The following GPRIN3 variants were observed in gnomAD, a reference collection of about 807,000 sequenced individuals.
The protein encoded by GPRIN3 is GPRIN family member 3, also known as G protein-regulated inducer of neurite outgrowth 3.
In GPRIN3, 12 loss-of-function variants were observed where a neutral mutation model predicts 13.7. The observed-to-expected ratio is 0.87, with a 90% CI of 0.56 to 1.42. The LOEUF (loss-of-function observed/expected upper bound fraction) is 1.42, where lower values mean the gene tolerates loss of function less well. Among genes scored for constraint, GPRIN3 ranks in the 40% most tolerant of loss-of-function variants. The pLI, the probability that GPRIN3 is intolerant of heterozygous loss-of-function variation, is 0.00. For missense variants in GPRIN3, 1,009 were observed against 958.7 expected, an observed-to-expected ratio of 1.05 and a Z score of -0.69; for synonymous variants, 377 against 372.7, an observed-to-expected ratio of 1.01 and a Z score of -0.13.
rs1052091412 is a variant in GPRIN3 at position 89,249,143 on chromosome 4, T to A, written c.968A>T (p.Gln323Leu). 3.7e-6 allele frequency: 6 copies of A among 1,614,090 alleles called. No homozygotes were observed. In the African/African-American group the frequency reaches 6.7e-5, roughly 18 times the overall value. ...PSRAWQDAEV[Q>L]AVASVESRSV... The stretch of plus-strand genomic sequence containing the variant: ...TCTGCTCTCGACACTCGCCACTGCC[T>A]GCACCTCCGCATCTTGCCAAGCCCT... Residue 323 changes from glutamine to leucine, a missense_variant, in exon 2 of 2, where the codon CAG (glutamine) becomes CTG (leucine). Transcript: ENST00000609438.
intron 1 of GPRIN3, among the ~76,000 whole-genome samples, chr4:89,306,560 A>C (rs1407338958): frequency 2.0e-5 from 3 of 152,168 alleles, no homozygotes; most frequent in Non-Finnish European, 2.9e-5. Flanking sequence ...TGTGTTGTGA[A>C]AATATTTAGA....
intron 1 of GPRIN3, among the ~76,000 whole-genome samples, chr4:89,283,254 T>C (rs1724305329): frequency 6.6e-6 from 1 of 152,214 alleles, no homozygotes; most frequent in Admixed American, 6.5e-5. Context: ...ATACACAATG[T>C]GCCAGGCCTG....
rs186494438 is a variant in GPRIN3, at chr4:89,290,301, A to T, written c.-124+17314T>A. 9.9e-5 allele frequency among the ~76,000 whole-genome samples: 15 copies of T among 151,956 alleles called. No individual in the cohort carries two copies. The East Asian group carries it at 3.0e-3, about 30-fold the overall frequency. ...TTAGTGTTTCAAATATGCTTGAAGCATTTGCCTGCATTCCTCTGCTCAGGC... is the reference window on the plus strand; with the variant it reads ...TTAGTGTTTCAAATATGCTTGAAGCTTTTGCCTGCATTCCTCTGCTCAGGC... On this transcript the variant is annotated intron_variant, in intron 1 of 1. Transcript: ENST00000609438.
chr4:89,288,088 T>A (rs1561223006), intron 1 of GPRIN3, among the ~76,000 whole-genome samples: 1 of 152,188 alleles, frequency 6.6e-6, no homozygotes, highest in Admixed American at 6.5e-5. Context: ...CCCGTGCAGA[T>A]CACAGAATCT....
intron 1 of GPRIN3, among the ~76,000 whole-genome samples, chr4:89,269,871 TCA>T (rs1425570612): frequency 6.6e-6 from 1 of 152,220 alleles, no homozygotes; most frequent in Non-Finnish European, 1.5e-5. Flanking sequence ...CGGGGTTCCA[TCA>T]CACTAAGCTT....
Position 89,240,058 on chromosome 4 carries a change from T to A in GPRIN3, c.*7722A>T, listed in dbSNP as rs1722883456. Reference sequence around the variant, plus strand: ...TTAGGTTTTAAGAACCAGGTGAGACTTTTTGATCCCTAATAGAGCACTTCC... The same window carrying A: ...TTAGGTTTTAAGAACCAGGTGAGACATTTTGATCCCTAATAGAGCACTTCC... On this transcript the variant is annotated 3_prime_UTR_variant, in exon 2 of 2. Transcript: ENST00000609438. 2.0e-5 allele frequency: 3 copies of A among 152,202 alleles called. No homozygotes were observed. The highest frequency in any genetic ancestry group is 2.0e-4 in the Admixed American group (3 of 15,280). The allele number at this position is 152,202 out of a possible 1,614,324, so 9.4% of individuals were successfully genotyped here. A position where few individuals can be genotyped will look rare whatever the true frequency, so the allele number is the denominator to read the frequency against.
At chr4:89,256,644 C>T (rs1234622460) in intron 1 of GPRIN3, among the ~76,000 whole-genome samples, 1 of 152,146 alleles carries the variant, frequency 6.6e-6, no homozygotes, top group Non-Finnish European at 1.5e-5. Flanking sequence ...TTCAGAACCA[C>T]TGCACTGCTA....
chr4:89,294,219 G>A (rs1243585280), intron 1 of GPRIN3, among the ~76,000 whole-genome samples: 1 of 152,164 alleles, frequency 6.6e-6, no homozygotes. Flanking sequence ...CACTTGGAAA[G>A]TTATGTCACT....
rs779614863 is a variant in GPRIN3, at chr4:89,250,077, T to C, written c.34A>G (p.Lys12Glu). 6.2e-6 allele frequency: 10 copies of C among 1,613,786 alleles called. No homozygotes were observed. Among genetic ancestry groups the C allele is most frequent in the Non-Finnish European group, 8.5e-6 (10 of 1,179,832 alleles). ...CCGGAAGCTGCAATCAGGGAAGTTT[T>C]AGCTGATCTCAGAGGGTCAGGTACA... is the stretch of plus-strand genomic sequence containing the variant. ...GTVPDPLRSA[K>E]TSLIAASGKE... is the part of the protein sequence containing the mutation. The change falls in exon 2 of 2, where the codon AAA becomes GAA. Residue 12 changes from lysine (K) to glutamate (E), a missense_variant. Physicochemically the swap from Lys to Glu is moderately conservative, Grantham distance 56. Transcript: ENST00000609438.
rs772250385 is a variant in GPRIN3, at chr4:89,248,607, C to A, written c.1504G>T (p.Gly502Cys). ...TTGCAATCTGGGTCTGTTTTGTGGCCGTTTGTCGTTTTCTCTGCAAACTCA... is the reference window on the plus strand; with the variant it reads ...TTGCAATCTGGGTCTGTTTTGTGGCAGTTTGTCGTTTTCTCTGCAAACTCA... Reference protein sequence around the residue: ...PSEFAEKTTNGHKTDPDCKLS... With the variant: ...PSEFAEKTTNCHKTDPDCKLS... Residue 502 changes from glycine to cysteine, a missense_variant, in exon 2 of 2, where the codon GGC becomes TGC. Coordinates refer to ENST00000609438, the MANE Select transcript of GPRIN3 (RefSeq NM_198281.3). 6.2e-7 allele frequency: 1 copy of A among 1,613,970 alleles called. No individual in the cohort carries two copies. The highest frequency in any genetic ancestry group is 1.7e-5 in the Admixed American group (1 of 60,026).
At chr4:89,300,259 A>G (rs1053381784) in intron 1 of GPRIN3, among the ~76,000 whole-genome samples, 4 of 152,148 alleles carry the variant, frequency 2.6e-5, no homozygotes, top group African/African-American at 9.7e-5. Context: ...TCCAGACTTT[A>G]CAGACTCAAT....
Position 89,270,159 on chromosome 4 carries a change from G to A in GPRIN3, c.-123-19926C>T, listed in dbSNP as rs192277955. Among the ~76,000 whole-genome samples the A allele has an allele frequency of 2.0e-3, 303 of 152,130 alleles. 12 individuals are homozygous for A. The South Asian group carries it at 0.056, about 28-fold the overall frequency. ...TATGATGAATTTATTCACCATAAAA[G>A]GGCAAAAGGAACAGGAGAAATAAAA... On this transcript the variant is annotated intron_variant, in intron 1 of 1. Coordinates refer to ENST00000609438, the MANE Select transcript of GPRIN3 (RefSeq NM_198281.3).
At chr4:89,292,227 T>G (rs1486680238) in intron 1 of GPRIN3, among the ~76,000 whole-genome samples, 1 of 152,186 alleles carries the variant, frequency 6.6e-6, no homozygotes, top group Non-Finnish European at 1.5e-5. Context: ...CAAAAGAATT[T>G]TAATAAAACT....
At chr4:89,295,491 T>C (rs1440731924) in intron 1 of GPRIN3, among the ~76,000 whole-genome samples, 2 of 152,238 alleles carry the variant, frequency 1.3e-5, no homozygotes, top group East Asian at 1.9e-4. Flanking sequence ...CCATAGGGCG[T>C]AGGGCTAAAT....
At chr4:89,266,858 G>T (rs1191917446) in intron 1 of GPRIN3, among the ~76,000 whole-genome samples, 1 of 152,108 alleles carries the variant, frequency 6.6e-6, no homozygotes, top group African/African-American at 2.4e-5. Flanking sequence ...AGTGTTTTAA[G>T]TTGAAAGAAA....
intron 1 of GPRIN3, among the ~76,000 whole-genome samples, chr4:89,266,628 C>T (rs1043175350): frequency 6.6e-6 from 1 of 152,132 alleles, no homozygotes; most frequent in Non-Finnish European, 1.5e-5. Flanking sequence ...ATAGGAAAAT[C>T]GTTGTAAACA....
rs1340842370 is a variant in GPRIN3 at position 89,241,478 on chromosome 4, CA to C, written c.*6301del. On this transcript the variant is annotated 3_prime_UTR_variant, in exon 2 of 2. Transcript: ENST00000609438. ...TATTATGCACGACATATTGTTCACA[CA>C]TTAGTACAGCAGAGATACACACATT... 2.0e-5 allele frequency: 3 copies of C among 152,154 alleles called. No individual in the cohort carries two copies. The highest frequency in any genetic ancestry group is 4.4e-5 in the Non-Finnish European group (3 of 68,022). The allele number at this position is 152,154 out of a possible 1,614,324, so 9.4% of individuals were successfully genotyped here.
intron 1 of GPRIN3, among the ~76,000 whole-genome samples, chr4:89,306,644 A>G (rs1725041032): frequency 6.6e-6 from 1 of 152,184 alleles, no homozygotes; most frequent in Non-Finnish European, 1.5e-5. Flanking sequence ...TTCTTGAGTG[A>G]CTGCTCAGAG....
Position 89,250,233 on chromosome 4 carries a change from C to A in GPRIN3, c.-123G>T, listed in dbSNP as rs1421078896. 4.0e-6 allele frequency: 6 copies of A among 1,496,260 alleles called. No homozygotes were observed. In the East Asian group the frequency reaches 1.4e-4, roughly 34 times the overall value. The allele number at this position is 1,496,260 out of a possible 1,614,324, so 92.7% of individuals were successfully genotyped here. A position where few individuals can be genotyped will look rare whatever the true frequency, so the allele number is the denominator to read the frequency against. The stretch of plus-strand genomic sequence containing the variant: ...AGGGATGATTCCTCTGAAGAACCAG[C>A]CTGTGAATCAAGGAAACAGCATCAT... On this transcript the variant is annotated splice_region_variant and 5_prime_UTR_variant, in exon 2 of 2. Transcript: ENST00000609438.
Sources: gnomAD v4.1 joint callset for allele counts (sites outside exome capture counted in the v4.1 genomes callset) on GRCh38, gnomAD v4.1.1 for gene constraint, MANE v1.5 for transcripts, NCBI Gene and HGNC (gene_info 2026-07-23, HGNC 2026-07-21) for gene names.